TBCA: variants seen among roughly 807,000 people sequenced by gnomAD.
The protein encoded by TBCA is tubulin-specific chaperone A.
TBCA carries 6 observed loss-of-function variants against 15.8 expected under a neutral mutation model. The observed-to-expected ratio is 0.38, with a 90% CI of 0.21 to 0.75. The LOEUF (loss-of-function observed/expected upper bound fraction) is 0.75, where lower values mean the gene tolerates loss of function less well. Among genes scored for constraint, TBCA ranks in the 30% least tolerant of loss-of-function variants. The probability of loss-of-function intolerance (pLI) is 0.46; values close to 1 mark genes in which losing one functional copy is unlikely to be tolerated. For missense variants in TBCA, 90 were observed against 131.2 expected (o/e 0.69, Z 1.53); for synonymous variants, 32 against 42.3 (o/e 0.76, Z 0.94).
At chr5:77,750,723 C>A (rs1197402862) in intron 1 of TBCA, among the ~76,000 whole-genome samples, 2 of 147,280 alleles carry the variant, frequency 1.4e-5, no homozygotes, top group African/African-American at 5.1e-5. Flanking sequence ...TTTATTTTGC[C>A]AAGATTAAAG....
At chr5:77,705,787 C>T (rs1379497763) in intron 2 of TBCA, among the ~76,000 whole-genome samples, 1 of 152,100 alleles carries the variant, frequency 6.6e-6, no homozygotes, top group Non-Finnish European at 1.5e-5. Context: ...GCTAGGATCA[C>T]ACCACCGTAC....
At chr5:77,737,685 A>G (rs190278148) in intron 1 of TBCA, among the ~76,000 whole-genome samples, 1 of 152,356 alleles carries the variant, frequency 6.6e-6, no homozygotes, top group Admixed American at 6.5e-5. Flanking sequence ...CATCTTATTA[A>G]TAGAGGAAAT....
At chr5:77,737,149 A>T (rs1361118552) in intron 1 of TBCA, among the ~76,000 whole-genome samples, 1 of 152,226 alleles carries the variant, frequency 6.6e-6, no homozygotes, top group Non-Finnish European at 1.5e-5. Flanking sequence ...AGGACATAAT[A>T]AATATTAAGT....
intron 1 of TBCA, among the ~76,000 whole-genome samples, chr5:77,774,980 T>TA (rs60670191): frequency 0.22 from 31,141 of 142,676 alleles, 3,947 homozygotes; most frequent in Non-Finnish European, 0.29. Context: ...CTACAAAGAT[T>TA]AAAAAAAAAA....
chr5:77,737,873 G>A (rs1459477795), intron 1 of TBCA, among the ~76,000 whole-genome samples: 1 of 152,168 alleles, frequency 6.6e-6, no homozygotes, highest in African/African-American at 2.4e-5. Context: ...AAAAGTTGCT[G>A]TAAAATCTCT....
Position 77,740,958 on chromosome 5 carries a change from AAAT to A in TBCA, c.54-32614_54-32612del, listed in dbSNP as rs1261283958. Among the ~76,000 whole-genome samples the A allele has an allele frequency of 5.9e-5, 9 of 152,246 alleles. No homozygotes were observed. In the South Asian group the frequency reaches 1.2e-3, roughly 21 times the overall value. ...CATAAATAACAGAGAAAAGAGTCAA[AAAT>A]AATAATAAGGGGGAAGAATATAGCA... is the stretch of plus-strand genomic sequence containing the variant. On this transcript the variant is annotated intron_variant, in intron 1 of 3. Coordinates refer to ENST00000380377, the MANE Select transcript of TBCA (RefSeq NM_004607.3).
At chr5:77,743,352 A>C (rs1747093827) in intron 1 of TBCA, among the ~76,000 whole-genome samples, 1 of 152,268 alleles carries the variant, frequency 6.6e-6, no homozygotes, top group Non-Finnish European at 1.5e-5. Flanking sequence ...ATGGACATTA[A>C]GATGAGACTA....
rs73765208 is a variant in TBCA, at chr5:77,773,692, T to G, written c.53+2513A>C. Among the ~76,000 whole-genome samples, 1,405 of 152,324 alleles carry G rather than the reference T, an allele frequency of 9.2e-3. 21 individuals carry two copies. Among genetic ancestry groups the G allele is most frequent in the African/African-American group, 0.032 (1,324 of 41,556 alleles). ...CTTCCCGGGAAGTGGGATGCTGTGC[T>G]AAAACTCAGAAGCATTATCTTAAAA... On this transcript the variant is annotated intron_variant, in intron 1 of 3. Transcript: ENST00000380377.
At chr5:77,769,446 TG>T (rs541479870) in intron 1 of TBCA, among the ~76,000 whole-genome samples, 15 of 152,172 alleles carry the variant, frequency 9.9e-5, no homozygotes, top group Non-Finnish European at 1.9e-4. Context: ...CTAAAGCTAA[TG>T]GGGGGAGACT....
rs200635978 is a variant in TBCA, at chr5:77,770,683, A to AT, written c.53+5521dup. ...CAGATTAGTTGTGACCCTGTCACAG[A>AT]TATCAATAGGTCTAGCAATCTGCTG... On this transcript the variant is annotated intron_variant, in intron 1 of 3. Coordinates refer to ENST00000380377, the MANE Select transcript of TBCA (RefSeq NM_004607.3). Among the ~76,000 whole-genome samples the AT allele has an allele frequency of 3.9e-3, 586 of 152,108 alleles. 4 individuals are homozygous for AT. Among genetic ancestry groups the AT allele is most frequent in the African/African-American group, 0.012 (495 of 41,506 alleles).
At chr5:77,704,111 T>C (rs780183482) in intron 2 of TBCA, among the ~76,000 whole-genome samples, 9 of 152,164 alleles carry the variant, frequency 5.9e-5, no homozygotes, top group African/African-American at 2.2e-4. Flanking sequence ...TTTTTCTTTA[T>C]AAGTTACCCA....
intron 2 of TBCA, among the ~76,000 whole-genome samples, chr5:77,697,716 C>T (rs1323646323): frequency 1.3e-5 from 2 of 151,622 alleles, no homozygotes; most frequent in African/African-American, 2.4e-5. Context: ...GTTCTTGTTT[C>T]GAGAACCTAG....
At chr5:77,752,076 C>T (rs984710741) in intron 1 of TBCA, among the ~76,000 whole-genome samples, 1 of 152,242 alleles carries the variant, frequency 6.6e-6, no homozygotes, top group Non-Finnish European at 1.5e-5. Context: ...TGCTGTGGGT[C>T]CTGCATCAAC....
intron 1 of TBCA, among the ~76,000 whole-genome samples, chr5:77,765,894 AAAAAAAG>A (rs1439196604): frequency 9.9e-5 from 15 of 151,828 alleles, no homozygotes; most frequent in Middle Eastern, 3.4e-3. Flanking sequence ...AAAAAAAAAA[AAAAAAAG>A]AAAACTAAAC....
chr5:77,694,641 G>A (rs1316641985), intron 2 of TBCA, among the ~76,000 whole-genome samples: 2 of 152,060 alleles, frequency 1.3e-5, no homozygotes, highest in African/African-American at 4.8e-5. Context: ...ACAATGTTTG[G>A]TCAAATACCT....
intron 1 of TBCA, among the ~76,000 whole-genome samples, chr5:77,728,783 C>G (rs186467741): frequency 8.0e-4 from 122 of 152,146 alleles, no homozygotes; most frequent in African/African-American, 2.8e-3. Flanking sequence ...CATAACCTGA[C>G]ATAGTAGGTC....
At chr5:77,756,389 T>C (rs549934159) in intron 1 of TBCA, among the ~76,000 whole-genome samples, 37 of 152,304 alleles carry the variant, frequency 2.4e-4, no homozygotes, top group Middle Eastern at 3.4e-3. Flanking sequence ...GACACTCCCA[T>C]TGGGCTCCCG....
chr5:77,710,701 G>A (rs1361934486), intron 1 of TBCA, among the ~76,000 whole-genome samples: 1 of 152,140 alleles, frequency 6.6e-6, no homozygotes, highest in Non-Finnish European at 1.5e-5. Flanking sequence ...TGGGTCACAT[G>A]CTATTCCCTT....
rs1382070540 is a variant in TBCA at position 77,694,809 on chromosome 5, AAAG to A, written c.160-1460_160-1458del. On this transcript the variant is annotated intron_variant, in intron 2 of 3. Transcript: ENST00000380377. The stretch of plus-strand genomic sequence containing the variant: ...AACAAAAATCTCAATTATAACATAC[AAAG>A]AAGTTCTTTATTCACATCTATTTTC... 7.9e-5 allele frequency among the ~76,000 whole-genome samples: 12 copies of A among 152,318 alleles called. No individual in the cohort carries two copies. In the East Asian group the frequency reaches 2.1e-3, roughly 27 times the overall value.
Sources: allele counts gnomAD v4.1 joint callset (sites outside exome capture counted in the v4.1 genomes callset), GRCh38; gene constraint gnomAD v4.1.1; transcripts MANE v1.5; gene names NCBI Gene and HGNC (gene_info 2026-07-23, HGNC 2026-07-21).